The following AGT variants were observed in gnomAD, a reference collection of about 807,000 sequenced individuals.
The protein encoded by AGT is alpha-1 antiproteinase, antitrypsin.
AGT carries 26 observed loss-of-function variants against 28.1 expected under a neutral mutation model. The ratio of observed to expected loss-of-function variants is 0.92; its 90% CI spans 0.68 to 1.28. The LOEUF (loss-of-function observed/expected upper bound fraction) is 1.28, where lower values mean the gene tolerates loss of function less well. AGT is among the 50% of genes most tolerant of loss of function. The probability of loss-of-function intolerance (pLI) is 0.00; values close to 1 mark genes in which losing one functional copy is unlikely to be tolerated. For synonymous variants in AGT, 259 were observed against 259.6 expected, an observed-to-expected ratio of 1.00 and a Z score of 0.02; for missense variants, 596 against 592.3, an observed-to-expected ratio of 1.01 and a Z score of -0.06.
intron 1 of AGT, among the ~76,000 whole-genome samples, chr1:230,722,253 G>A (rs1663859917): frequency 6.6e-6 from 1 of 152,242 alleles, no homozygotes; most frequent in Non-Finnish European, 1.5e-5. Flanking sequence ...CAAGAATTGA[G>A]GTTTGGGAAC....
rs1663522059 is a variant in AGT at position 230,709,920 on chromosome 1, G to A, written c.829+75C>T. ...GGGCTGCCCCCTGCCCATCTCCAAG[G>A]CCTGACTGGCTGATCTCAGCTACAC... On this transcript the variant is annotated intron_variant, in intron 2 of 4. Transcript: ENST00000366667. 4.4e-6 allele frequency: 7 copies of A among 1,602,222 alleles called. No individual in the cohort carries two copies. The South Asian group carries it at 5.5e-5, about 13-fold the overall frequency.
chr1:230,719,520 G>A (rs1287195989), upstream of AGT, among the ~76,000 whole-genome samples: 4 of 150,038 alleles, frequency 2.7e-5, no homozygotes, highest in Non-Finnish European at 5.9e-5. Flanking sequence ...CCATTCTCCT[G>A]TCTCAGCCTC....
At chr1:230,740,635 A>G (rs1342261129) in intron 1 of AGT, among the ~76,000 whole-genome samples, 2 of 151,618 alleles carry the variant, frequency 1.3e-5, no homozygotes, top group Non-Finnish European at 2.9e-5. Context: ...CCAGAGGGCA[A>G]GAAGAGATAA....
At chr1:230,734,959 C>T (rs575999967) in intron 1 of AGT, among the ~76,000 whole-genome samples, 4 of 152,186 alleles carry the variant, frequency 2.6e-5, no homozygotes, top group African/African-American at 9.6e-5. Flanking sequence ...CGTGATCTGC[C>T]CACCTTGGCC....
intron 1 of AGT, among the ~76,000 whole-genome samples, chr1:230,723,535 G>C (rs146231604): frequency 2.0e-5 from 3 of 152,268 alleles, no homozygotes; most frequent in African/African-American, 7.2e-5. Context: ...TCAAAGTGTA[G>C]AGTATAATAT....
intron 1 of AGT, among the ~76,000 whole-genome samples, chr1:230,722,435 G>T (rs61331219): frequency 6.6e-6 from 1 of 152,186 alleles, no homozygotes; most frequent in African/African-American, 2.4e-5. Flanking sequence ...GTGAGAAGAC[G>T]GCCACCATCC....
intron 1 of AGT, among the ~76,000 whole-genome samples, chr1:230,741,359 C>T (rs1398710337): frequency 1.3e-5 from 2 of 152,306 alleles, no homozygotes; most frequent in African/African-American, 2.4e-5. Flanking sequence ...CCCTGGGAAA[C>T]CAGGGGAACC....
At chr1:230,741,821 G>A (rs997046176) in intron 1 of AGT, among the ~76,000 whole-genome samples, 2 of 152,172 alleles carry the variant, frequency 1.3e-5, no homozygotes, top group South Asian at 2.1e-4. Flanking sequence ...AGAGATACAC[G>A]GGGGAGGGAA....
At chr1:230,734,814 A>C (rs892030017) in intron 1 of AGT, among the ~76,000 whole-genome samples, 2 of 150,456 alleles carry the variant, frequency 1.3e-5, no homozygotes, top group Non-Finnish European at 3.0e-5. Flanking sequence ...GGTTCATGCC[A>C]CTCTCCTGCC....
upstream of AGT, among the ~76,000 whole-genome samples, chr1:230,717,934 C>T (rs776931705): frequency 2.6e-5 from 4 of 152,082 alleles, no homozygotes; most frequent in African/African-American, 9.7e-5. Flanking sequence ...AGTCTGAGCT[C>T]CCCCATTTCA....
At chr1:230,720,865 A>T (rs1663829653) in intron 1 of AGT, among the ~76,000 whole-genome samples, 1 of 152,134 alleles carries the variant, frequency 6.6e-6, no homozygotes, top group Admixed American at 6.5e-5. Context: ...CCCCACTGAA[A>T]GCTGTTTCAT....
At chr1:230,726,216 C>A (rs1445899755) in intron 1 of AGT, among the ~76,000 whole-genome samples, 1 of 152,150 alleles carries the variant, frequency 6.6e-6, no homozygotes, top group Admixed American at 6.5e-5. Context: ...TTGTGTTAGA[C>A]ACTTTATATG....
At chr1:230,728,850 C>G (rs1015663618) in intron 1 of AGT, among the ~76,000 whole-genome samples, 7 of 152,184 alleles carry the variant, frequency 4.6e-5, no homozygotes, top group African/African-American at 1.4e-4. Context: ...CTTATACTCC[C>G]TGCAATCCCT....
intron 1 of AGT, among the ~76,000 whole-genome samples, chr1:230,711,816 TAAA>T (rs58359338): frequency 0.47 from 63,829 of 136,182 alleles, 14,904 homozygotes; most frequent in African/African-American, 0.63. Context: ...GGACCACGTA[TAAA>T]AAAAAAAAAA....
intron 1 of AGT, among the ~76,000 whole-genome samples, chr1:230,738,832 A>G (rs1664195150): frequency 1.3e-5 from 2 of 152,250 alleles, no homozygotes; most frequent in African/African-American, 2.4e-5. Context: ...GATGTAGGTG[A>G]TAAATCAAAT....
rs116257599 is a variant in AGT at position 230,733,010 on chromosome 1, G to A, written c.-31+12505C>T. 4.7e-3 allele frequency among the ~76,000 whole-genome samples: 722 copies of A among 152,122 alleles called. 9 individuals are homozygous for A. Among genetic ancestry groups the A allele is most frequent in the South Asian group, 0.024 (116 of 4,804 alleles). ...TTAAAAGTCAGTCCCTGCTGGTCTCGGTGGCTCACACCTGTAATCCCAGCA... is the reference window on the plus strand; with the variant it reads ...TTAAAAGTCAGTCCCTGCTGGTCTCAGTGGCTCACACCTGTAATCCCAGCA... On this transcript the variant is annotated intron_variant, in intron 1 of 4. Transcript: ENST00000681269.
At chr1:230,703,415 G>A (rs1175417737) in intron 4 of AGT, 86 bp from the exon 5 acceptor site, 68 of 1,420,506 alleles carry the variant, frequency 4.8e-5, no homozygotes, top group Non-Finnish European at 6.5e-5. Flanking sequence ...GGTGGGCTCA[G>A]GACCTCTGTG....
At chr1:230,718,022 G>A (rs1437601382), upstream of AGT, among the ~76,000 whole-genome samples, 1 of 152,110 alleles carries the variant, frequency 6.6e-6, no homozygotes, top group Non-Finnish European at 1.5e-5. Flanking sequence ...GGAGTGCAGT[G>A]GCATGATCAT....
Position 230,710,654 on chromosome 1 carries a change from G to A in AGT, c.170C>T (p.Thr57Ile). The A allele has an allele frequency of 6.2e-7, 1 of 1,614,248 alleles. No individual in the cohort carries two copies. Among genetic ancestry groups the A allele is most frequent in the East Asian group, 2.2e-5 (1 of 44,876 alleles). ...GGCCTGAATTGGAGCAGGTATGAAG[G>A]TGGGGTCTTTGGGCTTCCCGGCATT... ...KANAGKPKDPTFIPAPIQAKT... is the reference protein window; with the variant it reads ...KANAGKPKDPIFIPAPIQAKT... Residue 57 changes from threonine to isoleucine, a missense_variant, in exon 2 of 5, where the codon ACC becomes ATC. Physicochemically the swap from Thr to Ile is moderately conservative, Grantham distance 89. Coordinates refer to ENST00000366667, the MANE Select transcript of AGT (RefSeq NM_001384479.1).
Sources: allele counts gnomAD v4.1 joint callset (sites outside exome capture counted in the v4.1 genomes callset), GRCh38; gene constraint gnomAD v4.1.1; transcripts MANE v1.5; gene names NCBI Gene and HGNC (gene_info 2026-07-23, HGNC 2026-07-21).